Variants in PDE7B observed in about 807,000 individuals in gnomAD.
PDE7B encodes 3',5'-cyclic-AMP phosphodiesterase 7B.
In PDE7B, 29 loss-of-function variants were observed where a neutral mutation model predicts 56.2. The observed-to-expected ratio is 0.52, with a 90% CI of 0.38 to 0.70. The LOEUF is 0.70. Among genes scored for constraint, PDE7B ranks in the 30% least tolerant of loss-of-function variants. PDE7B has a pLI of 0.00. For missense variants in PDE7B, 490 were observed against 565.0 expected, an observed-to-expected ratio of 0.87 and a Z score of 1.35; for synonymous variants, 197 against 196.9, an observed-to-expected ratio of 1.00 and a Z score of 0.00.
chr6:136,086,405 AGAAG>A (rs1777292904), intron 2 of PDE7B, among the ~76,000 whole-genome samples: 1 of 152,140 alleles, frequency 6.6e-6, no homozygotes, highest in Non-Finnish European at 1.5e-5. Context: ...TAGGCAAGAA[AGAAG>A]GAAGAGGCTC....
intron 2 of PDE7B, among the ~76,000 whole-genome samples, chr6:136,055,374 A>T (rs1328034376): frequency 6.6e-6 from 1 of 152,194 alleles, no homozygotes; most frequent in African/African-American, 2.4e-5. Context: ...CTTTTTAATA[A>T]AACTTTTTGC....
At chr6:136,191,026 T>C (rs1471200094) in intron 12 of PDE7B, among the ~76,000 whole-genome samples, 1 of 148,184 alleles carries the variant, frequency 6.7e-6, no homozygotes, top group African/African-American at 2.6e-5. Flanking sequence ...TTTTTTTTTT[T>C]TTTTTTTTTT....
intron 2 of PDE7B, among the ~76,000 whole-genome samples, chr6:135,971,721 A>T (rs1775097271): frequency 6.6e-6 from 1 of 152,186 alleles, no homozygotes; most frequent in African/African-American, 2.4e-5. Context: ...CAAGTGTCTT[A>T]AACTCTTTGA....
At chr6:136,090,048 C>G (rs1458324438) in intron 2 of PDE7B, among the ~76,000 whole-genome samples, 1 of 152,042 alleles carries the variant, frequency 6.6e-6, no homozygotes, top group Non-Finnish European at 1.5e-5. Flanking sequence ...CGAAAGACAC[C>G]AAATTAGATT....
chr6:136,091,848 G>A (rs1777392594), intron 2 of PDE7B, among the ~76,000 whole-genome samples: 1 of 152,150 alleles, frequency 6.6e-6, no homozygotes, highest in South Asian at 2.1e-4. Context: ...GCCATGGAAA[G>A]ATACAGATGG....
At chr6:136,158,287 A>G (rs2083340653) in intron 8 of PDE7B, among the ~76,000 whole-genome samples, 1 of 152,010 alleles carries the variant, frequency 6.6e-6, no homozygotes, top group South Asian at 2.1e-4. Flanking sequence ...TACTCTTATC[A>G]AATTTTAAAA....
At chr6:135,976,152 C>G (rs1457018758) in intron 2 of PDE7B, among the ~76,000 whole-genome samples, 1 of 152,092 alleles carries the variant, frequency 6.6e-6, no homozygotes, top group Non-Finnish European at 1.5e-5. Flanking sequence ...ATGAGTTTGG[C>G]AAACTCTTAG....
Position 136,025,443 on chromosome 6 carries a change from C to T in PDE7B, c.82+77919C>T, listed in dbSNP as rs117232619. On this transcript the variant is annotated intron_variant, in intron 2 of 12. Transcript: ENST00000308191. ...GAGTATCTACTATTAGATACTTATT[C>T]AAATAAGTACATGGGCTTATTAATA... 1.1e-3 allele frequency among the ~76,000 whole-genome samples: 174 copies of T among 152,198 alleles called. 1 individual carries two copies. In the East Asian group the frequency reaches 0.024, roughly 21 times the overall value.
chr6:136,013,062 TC>T (rs1376488276), intron 2 of PDE7B, among the ~76,000 whole-genome samples: 1 of 152,204 alleles, frequency 6.6e-6, no homozygotes, highest in Non-Finnish European at 1.5e-5. Context: ...AATCATGTTA[TC>T]TTTGATGTAA....
intron 1 of PDE7B, among the ~76,000 whole-genome samples, chr6:135,935,383 G>T (rs1464075690): frequency 6.7e-6 from 1 of 150,126 alleles, no homozygotes; most frequent in South Asian, 2.1e-4. Context: ...TGGAGTAATG[G>T]CATCAAAACT....
intron 4 of PDE7B, 110 bp downstream of exon 4, chr6:136,147,612 C>A: frequency 1.3e-6 from 1 of 775,544 alleles, no homozygotes. Context: ...GCTCTGTGAC[C>A]CTGAGCTCAT....
intron 8 of PDE7B, among the ~76,000 whole-genome samples, chr6:136,170,844 CCCATTAAT>C (rs745766579): frequency 7.2e-5 from 11 of 152,248 alleles, no homozygotes; most frequent in Admixed American, 2.0e-4. Context: ...TCCATGATAA[CCCATTAAT>C]CCATTAATCC....
chr6:135,920,223 T>G (rs746760053), intron 1 of PDE7B, among the ~76,000 whole-genome samples: 6 of 152,184 alleles, frequency 3.9e-5, no homozygotes, highest in Non-Finnish European at 8.8e-5. Flanking sequence ...TTTCTATAAA[T>G]AGAAAATGTG....
chr6:136,050,536 G>A (rs1776605953), intron 2 of PDE7B, among the ~76,000 whole-genome samples: 1 of 152,172 alleles, frequency 6.6e-6, no homozygotes, highest in Non-Finnish European at 1.5e-5. Flanking sequence ...AAATGTTACT[G>A]TGGTCCTTTT....
intron 2 of PDE7B, among the ~76,000 whole-genome samples, chr6:135,992,861 T>C (rs1775499339): frequency 6.6e-6 from 1 of 152,196 alleles, no homozygotes; most frequent in Non-Finnish European, 1.5e-5. Context: ...CTTTACAGTT[T>C]ATAAAGTGCT....
chr6:136,004,017 C>T (rs1182865166), intron 2 of PDE7B, among the ~76,000 whole-genome samples: 1 of 152,066 alleles, frequency 6.6e-6, no homozygotes, highest in Non-Finnish European at 1.5e-5. Flanking sequence ...ATCAAGTGGG[C>T]TTCATCCCTG....
rs140920325 is a variant in PDE7B at position 136,016,711 on chromosome 6, G to A, written c.82+69187G>A. 7.9e-3 allele frequency among the ~76,000 whole-genome samples: 1,196 copies of A among 151,990 alleles called. 8 individuals carry two copies. The highest frequency in any genetic ancestry group is 0.013 in the Non-Finnish European group (851 of 67,972). ...CCTAAGTATGGGGTGGGCAGGCCTC[G>A]GACAAGTTCAACCACCTGCAACAGA... On this transcript the variant is annotated intron_variant, in intron 2 of 12. Transcript: ENST00000308191.
chr6:136,095,256 A>G (rs1000603133), intron 2 of PDE7B, among the ~76,000 whole-genome samples: 1 of 152,186 alleles, frequency 6.6e-6, no homozygotes, highest in African/African-American at 2.4e-5. Context: ...ACACTGACCT[A>G]GATTTTTATA....
intron 1 of PDE7B, among the ~76,000 whole-genome samples, chr6:135,918,030 C>T (rs919277056): frequency 6.6e-5 from 10 of 152,142 alleles, no homozygotes; most frequent in Admixed American, 1.3e-4. Flanking sequence ...TGGACATGAA[C>T]GAGGAGGTTA....
Sources: allele counts gnomAD v4.1 joint callset (sites outside exome capture counted in the v4.1 genomes callset), GRCh38; gene constraint gnomAD v4.1.1; transcripts MANE v1.5; gene names NCBI Gene and HGNC (gene_info 2026-07-23, HGNC 2026-07-21).